KAT6B: variants seen among roughly 807,000 people sequenced by gnomAD.
KAT6B encodes lysine acetyltransferase 6B, also known as histone acetyltransferase KAT6B.
Under a neutral mutation model 187.5 loss-of-function variants are expected in KAT6B, and 10 were observed. That is an observed-to-expected ratio of 0.05 (90% CI 0.03 to 0.09). The LOEUF (loss-of-function observed/expected upper bound fraction) is 0.09. KAT6B is among the 10% of genes least tolerant of loss of function. The pLI, the probability that KAT6B is intolerant of heterozygous loss-of-function variation, is 1.00. For synonymous variants in KAT6B, 861 were observed against 926.8 expected (o/e 0.93, Z 1.29); for missense variants, 1,952 against 2,558.9 (o/e 0.76, Z 5.12).
At chr10:74,861,951 G>A (rs1843217746) in intron 3 of KAT6B, among the ~76,000 whole-genome samples, 1 of 151,704 alleles carries the variant, frequency 6.6e-6, no homozygotes, top group African/African-American at 2.4e-5. Context: ...TTTGACGATG[G>A]GCCTCTCTCC....
chr10:75,028,640 T>C lies in KAT6B; in HGVS notation c.3816T>C (p.Asn1272=). 5.0e-6 allele frequency: 8 copies of C among 1,614,086 alleles called. No homozygotes were observed. Among genetic ancestry groups the C allele is most frequent in the Non-Finnish European group, 6.8e-6 (8 of 1,180,020 alleles). Residue 1272 remains asparagine (N), a synonymous_variant, in exon 18 of 18, where the codon AAT becomes AAC. Transcript: ENST00000287239. ...NKERKTGFKL[N]LYTPPETPME... is the part of the protein sequence containing the mutation. ...AGAGGAAGACCGGATTTAAACTGAATTTGTACACCCCGCCAGAAACACCCA... is the reference window on the plus strand; with the variant it reads ...AGAGGAAGACCGGATTTAAACTGAACTTGTACACCCCGCCAGAAACACCCA...
chr10:75,020,744 C>A lies in KAT6B; in HGVS notation c.2792C>A (p.Thr931Lys). 6 of 1,614,206 alleles carry A rather than the reference C, an allele frequency of 3.7e-6. No individual in the cohort carries two copies. Among genetic ancestry groups the A allele is most frequent in the Non-Finnish European group, 5.1e-6 (6 of 1,180,044 alleles). Residue 931 changes from threonine (T) to lysine (K), a missense_variant, in exon 14 of 18, where the codon ACG becomes AAG. By Grantham distance (78) the Thr-to-Lys change is moderately conservative (BLOSUM62 -1). Around this residue, in one of 9 missense-constraint regions of KAT6B, gnomAD observed 758 missense variants for 891.4 expected, o/e 0.85. Transcript: ENST00000287239. Reference sequence around the variant, plus strand: ...AGCATCAAGGCAATTAGCAGAGCGACGGGCATGTGCCCACATGACATTGCC... The same window carrying A: ...AGCATCAAGGCAATTAGCAGAGCGAAGGGCATGTGCCCACATGACATTGCC... ...HISIKAISRA[T>K]GMCPHDIATT...
intron 3 of KAT6B, among the ~76,000 whole-genome samples, chr10:74,915,221 A>G (rs1168272554): frequency 6.6e-6 from 1 of 152,224 alleles, no homozygotes; most frequent in Non-Finnish European, 1.5e-5. Context: ...TCAGTTGTCT[A>G]ATGTATCCGT....
chr10:74,962,262 T>TC (rs1447032353), intron 4 of KAT6B, among the ~76,000 whole-genome samples: 3 of 152,222 alleles, frequency 2.0e-5, no homozygotes, highest in African/African-American at 7.2e-5. Flanking sequence ...AAAATATAGT[T>TC]CATTTTAGGG....
intron 3 of KAT6B, among the ~76,000 whole-genome samples, chr10:74,953,128 C>A (rs937153243): frequency 5.3e-5 from 8 of 151,550 alleles, no homozygotes; most frequent in African/African-American, 1.5e-4. Flanking sequence ...TAGTTGCAGG[C>A]CTTTTGGCTC....
Position 75,025,052 on chromosome 10 carries a change from T to C in KAT6B, c.3467T>C (p.Leu1156Pro). Residue 1156 changes from leucine to proline, a missense_variant, in exon 17 of 18, where the codon CTG becomes CCG. Transcript: ENST00000287239. ...TETISETTEV[L>P]NEPFDNSDEE... ...ACCATTTCAGAGACGACAGAAGTAC[T>C]GAATGAGCCCTTTGACAACTCAGAT... The C allele has an allele frequency of 6.2e-7, 1 of 1,614,192 alleles. No individual in the cohort carries two copies. The highest frequency in any genetic ancestry group is 8.5e-7 in the Non-Finnish European group (1 of 1,180,028).
intron 3 of KAT6B, among the ~76,000 whole-genome samples, chr10:74,957,242 G>T (rs1219453523): frequency 6.6e-6 from 1 of 152,224 alleles, no homozygotes; most frequent in Non-Finnish European, 1.5e-5. Context: ...CTACACGGAG[G>T]TTAGCAAAAA....
chr10:74,838,397 A>G (rs1841475663), intron 1 of KAT6B, among the ~76,000 whole-genome samples: 2 of 152,146 alleles, frequency 1.3e-5, no homozygotes, highest in South Asian at 4.1e-4. Flanking sequence ...ATTTTTTCTT[A>G]GGAATCTATC....
At chr10:74,827,222 A>T (rs754929167) in intron 1 of KAT6B, 1 of 152,750 alleles carries the variant, frequency 6.5e-6, no homozygotes, top group Non-Finnish European at 1.5e-5. Flanking sequence ...TTAGGGAGGG[A>T]TGCAATTTGA....
intron 4 of KAT6B, among the ~76,000 whole-genome samples, chr10:74,966,388 A>G (rs1841471656): frequency 1.3e-5 from 2 of 152,186 alleles, no homozygotes; most frequent in African/African-American, 4.8e-5. Context: ...CAGGTATAGT[A>G]TGTTTACAGG....
intron 13 of KAT6B, among the ~76,000 whole-genome samples, chr10:74,993,587 G>A (rs950143594): frequency 2.0e-5 from 3 of 152,088 alleles, no homozygotes; most frequent in South Asian, 2.1e-4. Flanking sequence ...TAAATTTTGC[G>A]AGATTATACT....
chr10:74,938,930 T>G (rs565256042), intron 3 of KAT6B, among the ~76,000 whole-genome samples: 5 of 152,074 alleles, frequency 3.3e-5, no homozygotes, highest in Admixed American at 3.3e-4. Flanking sequence ...AGAGACAGGG[T>G]TTCACCATGT....
At chr10:75,023,240 T>C (rs1845572951) in intron 16 of KAT6B, among the ~76,000 whole-genome samples, 1 of 152,216 alleles carries the variant, frequency 6.6e-6, no homozygotes, top group Non-Finnish European at 1.5e-5. Context: ...GATAGAGATA[T>C]CACAATACAA....
At chr10:74,856,287 A>C (rs1449403554) in intron 3 of KAT6B, among the ~76,000 whole-genome samples, 1 of 152,058 alleles carries the variant, frequency 6.6e-6, no homozygotes, top group African/African-American at 2.4e-5. Context: ...GGGTTTCGCC[A>C]GGTTGGCCAG....
At chr10:74,936,261 G>A (rs987607413) in intron 3 of KAT6B, among the ~76,000 whole-genome samples, 4 of 151,988 alleles carry the variant, frequency 2.6e-5, no homozygotes, top group African/African-American at 9.7e-5. Flanking sequence ...AAATTAGCCG[G>A]GCATGGTGGC....
chr10:74,867,684 G>A (rs952603854), intron 3 of KAT6B, among the ~76,000 whole-genome samples: 8 of 152,214 alleles, frequency 5.3e-5, no homozygotes, highest in African/African-American at 1.9e-4. Flanking sequence ...ACTCTGGGTG[G>A]TGGGTGAATG....
rs529315898 is a variant in KAT6B, at chr10:74,972,568, A to T, written c.990A>T (p.Lys330Asn). The T allele has an allele frequency of 3.7e-6, 6 of 1,612,222 alleles. No homozygotes were observed. The African/African-American group carries it at 6.7e-5, about 18-fold the overall frequency. Residue 330 changes from lysine (K) to asparagine (N), a missense_variant, in exon 7 of 18, where the codon AAA becomes AAT. By Grantham distance (94) the Lys-to-Asn change is moderately conservative. This residue lies in a region of KAT6B where 417 missense variants were observed against 508.9 expected (regional missense o/e 0.82). Transcript: ENST00000287239. ...AGGGAAGAAAACTACTTCATGAGAA[A>T]GCTGCACAAATAAAACGACGATATG... is the stretch of plus-strand genomic sequence containing the variant. ...KKKGRKLLHE[K>N]AAQIKRRYAK...
At chr10:74,837,208 C>A (rs569780034) in intron 1 of KAT6B, among the ~76,000 whole-genome samples, 1 of 152,258 alleles carries the variant, frequency 6.6e-6, no homozygotes, top group East Asian at 1.9e-4. Flanking sequence ...CTAAGCATTT[C>A]TCTAGATATG....
intron 3 of KAT6B, among the ~76,000 whole-genome samples, chr10:74,931,699 T>C (rs1246019097): frequency 6.6e-6 from 1 of 152,166 alleles, no homozygotes; most frequent in African/African-American, 2.4e-5. Context: ...CAGCCTTCCA[T>C]AGAGTATACT....
Sources: allele counts gnomAD v4.1 joint callset (sites outside exome capture counted in the v4.1 genomes callset), GRCh38; gene constraint gnomAD v4.1.1; regional missense constraint gnomAD v4.1.1; transcripts MANE v1.5; gene names NCBI Gene and HGNC (gene_info 2026-07-23, HGNC 2026-07-21).